The following NEGR1 variants were observed in gnomAD, a reference collection of about 807,000 sequenced individuals.
NEGR1 encodes the protein neuronal growth regulator 1.
NEGR1 carries 10 observed loss-of-function variants against 40.9 expected under a neutral mutation model. That is an observed-to-expected ratio of 0.24 (90% CI 0.15 to 0.42). The LOEUF is 0.42. NEGR1 is among the 10% of genes least tolerant of loss of function. The pLI, the probability that NEGR1 is intolerant of heterozygous loss-of-function variation, is 1.00. For synonymous variants in NEGR1, 185 were observed against 166.8 expected, an observed-to-expected ratio of 1.11 and a Z score of -0.84; for missense variants, 352 against 438.9, an observed-to-expected ratio of 0.80 and a Z score of 1.77.
intron 4 of NEGR1, among the ~76,000 whole-genome samples, chr1:71,683,234 G>A (rs10889927): frequency 0.98 from 149,564 of 152,102 alleles, 73,574 homozygotes; most frequent in Middle Eastern, 1. Context: ...TACAGGTATG[G>A]CCCTTCGTGG....
chr1:71,997,445 T>A (rs1646514834), intron 1 of NEGR1, among the ~76,000 whole-genome samples: 1 of 152,046 alleles, frequency 6.6e-6, no homozygotes, highest in African/African-American at 2.4e-5. Context: ...TATTTTTCAC[T>A]TAAACGCAAA....
At chr1:72,074,605 T>C (rs1647639701) in intron 1 of NEGR1, among the ~76,000 whole-genome samples, 1 of 152,086 alleles carries the variant, frequency 6.6e-6, no homozygotes, top group South Asian at 2.1e-4. Flanking sequence ...AGTTATGAAT[T>C]TGACAAGTAT....
At chr1:72,021,101 C>A (rs1646752216) in intron 1 of NEGR1, among the ~76,000 whole-genome samples, 1 of 152,026 alleles carries the variant, frequency 6.6e-6, no homozygotes, top group African/African-American at 2.4e-5. Context: ...GACTACGAAT[C>A]CATTTGAAAT....
chr1:72,108,740 A>T (rs1649235899), intron 1 of NEGR1, among the ~76,000 whole-genome samples: 1 of 151,646 alleles, frequency 6.6e-6, no homozygotes, highest in South Asian at 2.1e-4. Context: ...CTGGAGAGGT[A>T]TTCAAAGCCC....
intron 1 of NEGR1, among the ~76,000 whole-genome samples, chr1:72,232,191 C>G (rs776272733): frequency 6.6e-6 from 1 of 151,640 alleles, no homozygotes; most frequent in South Asian, 2.1e-4. Context: ...CCATCTCTAC[C>G]AAAAATACAA....
At chr1:71,459,618 A>G (rs1244848628) in intron 6 of NEGR1, among the ~76,000 whole-genome samples, 1 of 152,134 alleles carries the variant, frequency 6.6e-6, no homozygotes, top group Non-Finnish European at 1.5e-5. Context: ...CCCTCTGCCT[A>G]CAATGGCCTC....
intron 1 of NEGR1, among the ~76,000 whole-genome samples, chr1:72,120,394 GTAC>G (rs781718761): frequency 1.4e-4 from 22 of 151,794 alleles, no homozygotes; most frequent in Non-Finnish European, 2.9e-4. Flanking sequence ...AACTGCAATG[GTAC>G]CATGTATTCT....
intron 1 of NEGR1, among the ~76,000 whole-genome samples, chr1:72,162,481 CA>C (rs958294738): frequency 2.6e-5 from 4 of 151,728 alleles, no homozygotes; most frequent in African/African-American, 9.7e-5. Context: ...AACAAACAAA[CA>C]AAAGAAAAAC....
rs1346164433 is a variant in NEGR1, at chr1:71,942,976, AAGTATATATGTG to A, written c.177-7677_177-7666del. Among the ~76,000 whole-genome samples the A allele has an allele frequency of 5.9e-4, 78 of 133,276 alleles. 2 individuals are homozygous for A. Among genetic ancestry groups the A allele is most frequent in the Non-Finnish European group, 9.3e-4 (56 of 60,316 alleles). The allele number at this position is 133,276 out of a possible 152,430, so 87.4% of individuals were successfully genotyped here. On this transcript the variant is annotated intron_variant, in intron 1 of 6. Transcript: ENST00000357731. ...CTAAGTTTGTTTTATATATATATAT[AAGTATATATGTG>A]TATATATATGTGTGTGTATATATAT...
intron 1 of NEGR1, among the ~76,000 whole-genome samples, chr1:72,179,942 A>C (rs1652304204): frequency 6.6e-6 from 1 of 152,066 alleles, no homozygotes; most frequent in Non-Finnish European, 1.5e-5. Flanking sequence ...TAGTGTTGTT[A>C]AAATGTCAAT....
intron 3 of NEGR1, among the ~76,000 whole-genome samples, chr1:71,744,821 A>G (rs559939747): frequency 2.4e-4 from 37 of 152,356 alleles, no homozygotes; most frequent in African/African-American, 8.2e-4. Flanking sequence ...CTTTATGCAA[A>G]TAATCATCCC....
At chr1:71,720,430 A>G (rs987467549) in intron 3 of NEGR1, among the ~76,000 whole-genome samples, 2 of 152,196 alleles carry the variant, frequency 1.3e-5, no homozygotes, top group Non-Finnish European at 2.9e-5. Context: ...CAGCTATCAA[A>G]TACATCCACT....
At position 71,498,742 on chromosome 1, in the gene NEGR1, T is replaced by C. The variant is rs181740371; in HGVS notation, c.941-91172A>G. Among the ~76,000 whole-genome samples the C allele has an allele frequency of 2.3e-3, 355 of 152,292 alleles. 1 individual carries two copies. The highest frequency in any genetic ancestry group is 8.1e-3 in the African/African-American group (337 of 41,568). ...CCAAGAGCTAATTTGCAGTTGATTATGCAATCTGCCAAGCCCAATCAATGT... is the reference window on the plus strand; with the variant it reads ...CCAAGAGCTAATTTGCAGTTGATTACGCAATCTGCCAAGCCCAATCAATGT... On this transcript the variant is annotated intron_variant, in intron 6 of 6. Transcript: ENST00000357731.
intron 5 of NEGR1, among the ~76,000 whole-genome samples, chr1:71,609,329 C>T (rs913823513): frequency 6.6e-6 from 1 of 151,200 alleles, no homozygotes; most frequent in Non-Finnish European, 1.5e-5. Context: ...TCCTAGCTAA[C>T]ATGGTGAAAC....
rs1261503586 is a variant in NEGR1, at chr1:71,404,383, T to G, written c.*3063A>C. 6.6e-6 allele frequency: 1 copy of G among 152,164 alleles called. No homozygotes were observed. The highest frequency in any genetic ancestry group is 1.5e-5 in the Non-Finnish European group (1 of 67,718). 9.4% of individuals were successfully genotyped at this position (152,164 alleles called of 1,614,324 possible). A position where few individuals can be genotyped will look rare whatever the true frequency, so the allele number is the denominator to read the frequency against. ...GCAGTACTTTTTATTATATAATTGC[T>G]GCATAATAGGAACTTAATGGTATAA... On this transcript the variant is annotated 3_prime_UTR_variant, in exon 7 of 7. Transcript: ENST00000357731.
chr1:71,660,604 T>C (rs1278636676), intron 4 of NEGR1, among the ~76,000 whole-genome samples: 1 of 152,200 alleles, frequency 6.6e-6, no homozygotes, highest in African/African-American at 2.4e-5. Context: ...GAGGCTCTGA[T>C]TCTGAAAACA....
intron 1 of NEGR1, among the ~76,000 whole-genome samples, chr1:72,227,280 C>A (rs544549135): frequency 2.9e-4 from 44 of 151,992 alleles, no homozygotes; most frequent in African/African-American, 9.6e-4. Flanking sequence ...ATCAAATAGG[C>A]GGTAGGGAAA....
intron 6 of NEGR1, among the ~76,000 whole-genome samples, chr1:71,589,053 T>A (rs993816957): frequency 1.3e-5 from 2 of 152,132 alleles, no homozygotes; most frequent in African/African-American, 4.8e-5. Flanking sequence ...TTAACCTTAA[T>A]CCACAGAAAT....
chr1:71,914,577 C>T (rs1443794225), intron 2 of NEGR1, among the ~76,000 whole-genome samples: 2 of 152,208 alleles, frequency 1.3e-5, no homozygotes, highest in Non-Finnish European at 2.9e-5. Context: ...GTGGTGTAAG[C>T]CCCTTCTCTC....
Sources: gnomAD v4.1 joint callset for allele counts (sites outside exome capture counted in the v4.1 genomes callset) on GRCh38, gnomAD v4.1.1 for gene constraint, MANE v1.5 for transcripts, NCBI Gene and HGNC (gene_info 2026-07-23, HGNC 2026-07-21) for gene names.